The following IDE variants were observed in gnomAD, a reference collection of about 807,000 sequenced individuals.
IDE encodes the protein insulin-degrading enzyme.
A neutral mutation model predicts 133.2 loss-of-function variants in IDE; 58 were observed. The observed-to-expected ratio is 0.44, with a 90% CI of 0.35 to 0.54. The LOEUF is 0.54. IDE is among the 20% of genes least tolerant of loss of function. The pLI is 0.00. For missense variants in IDE, 981 were observed against 1,234.0 expected, an observed-to-expected ratio of 0.79 and a Z score of 3.07; for synonymous variants, 396 against 421.3, an observed-to-expected ratio of 0.94 and a Z score of 0.73.
chr10:92,516,305 C>T (rs1848925763), intron 4 of IDE, among the ~76,000 whole-genome samples: 1 of 151,894 alleles, frequency 6.6e-6, no homozygotes, highest in South Asian at 2.1e-4. Context: ...ACCAGCCTGG[C>T]CAACGTGGTG....
intron 1 of IDE, among the ~76,000 whole-genome samples, chr10:92,567,928 G>A (rs1843629028): frequency 6.6e-6 from 1 of 152,160 alleles, no homozygotes; most frequent in Admixed American, 6.5e-5. Flanking sequence ...TTTTGATCGT[G>A]CCACTGCACT....
chr10:92,467,381 T>C (rs2083730641), intron 19 of IDE, among the ~76,000 whole-genome samples: 1 of 152,208 alleles, frequency 6.6e-6, no homozygotes, highest in African/African-American at 2.4e-5. Flanking sequence ...CTGAATATTT[T>C]ACTTTTAAAT....
Position 92,483,307 on chromosome 10 carries a change from G to A in IDE, c.1687C>T (p.Gln563Ter). The A allele has an allele frequency of 6.2e-7, 1 of 1,610,756 alleles. No individual in the cohort carries two copies. The highest frequency in any genetic ancestry group is 8.5e-7 in the Non-Finnish European group (1 of 1,176,992). Residue 563 changes from glutamine to a stop codon, truncating the protein, a stop_gained, in exon 14 of 25, where the codon CAA (glutamine) becomes TAA (stop). Coordinates refer to ENST00000265986, the MANE Select transcript of IDE (RefSeq NM_004969.4). LOFTEE classifies it high-confidence loss of function. ...DTAMSKLWFK[Q>*]DDKFFLPKAC... ...TTCGGCAAAAAAAACTTATCATCTTGTTTGAACCAAAGTTTGCTCATAGCT... is the reference window on the plus strand; with the variant it reads ...TTCGGCAAAAAAAACTTATCATCTTATTTGAACCAAAGTTTGCTCATAGCT...
intron 23 of IDE, among the ~76,000 whole-genome samples, chr10:92,455,972 T>A (rs907610310): frequency 2.0e-5 from 3 of 152,194 alleles, no homozygotes; most frequent in Admixed American, 1.3e-4. Context: ...TTACTAGTTT[T>A]ACTAAACTGC....
intron 5 of IDE, 42 bp downstream of exon 5, chr10:92,514,878 C>T (rs1230937873): frequency 6.5e-7 from 1 of 1,548,970 alleles, no homozygotes; most frequent in Non-Finnish European, 8.8e-7. Flanking sequence ...ACATTAAAAA[C>T]TTATATTATC....
At chr10:92,530,925 G>T (rs7079099) in intron 4 of IDE, among the ~76,000 whole-genome samples, 15,356 of 152,108 alleles carry the variant, frequency 0.1, 900 homozygotes, top group South Asian at 0.17. Flanking sequence ...AAATAAGCAT[G>T]TTCTCATAAT....
At chr10:92,465,136 T>C (rs1193060301) in intron 20 of IDE, among the ~76,000 whole-genome samples, 1 of 152,212 alleles carries the variant, frequency 6.6e-6, no homozygotes, top group East Asian at 1.9e-4. Context: ...CAATGATGGG[T>C]ACTTGGAGAG....
At chr10:92,512,492 T>C (rs1236907463) in intron 5 of IDE, among the ~76,000 whole-genome samples, 1 of 151,968 alleles carries the variant, frequency 6.6e-6, no homozygotes. Context: ...ATTCATCTAT[T>C]GCCATTGTTA....
In IDE at chr10:92,524,446, T is replaced by TTATATATAATATATTTTATATA. The variant is rs1564647982; in HGVS notation, c.661+7301_661+7302insTATATAAAATATATTATATATA. ...ATATAATATATTTTATATAATATAT[T>TTATATATAATATATTTTATATA]TTATATATTATATATTTTATATAAT... On this transcript the variant is annotated intron_variant, in intron 4 of 24. Transcript: ENST00000265986. Among the ~76,000 whole-genome samples, 2 of 42,968 alleles carry TTATATATAATATATTTTATATA rather than the reference T, an allele frequency of 4.7e-5. 1 individual carries two copies. The highest frequency in any genetic ancestry group is 2.2e-4 in the African/African-American group (2 of 9,222). 28.2% of individuals were successfully genotyped at this position (42,968 alleles called of 152,430 possible).
chr10:92,526,791 T>G (rs1167172279), intron 4 of IDE, among the ~76,000 whole-genome samples: 2 of 138,006 alleles, frequency 1.4e-5, no homozygotes, highest in African/African-American at 2.8e-5. Flanking sequence ...GGTTACAGAG[T>G]GCCAAGATTG....
intron 5 of IDE, among the ~76,000 whole-genome samples, chr10:92,513,725 A>C (rs562765929): frequency 6.6e-6 from 1 of 151,298 alleles, no homozygotes; most frequent in Non-Finnish European, 1.5e-5. Context: ...AGAATATATT[A>C]AGAATATCTT....
At chr10:92,554,060 T>C (rs1413773151) in intron 1 of IDE, among the ~76,000 whole-genome samples, 1 of 152,214 alleles carries the variant, frequency 6.6e-6, no homozygotes, top group Non-Finnish European at 1.5e-5. Context: ...CTGATGAATA[T>C]TGATGCAAAT....
chr10:92,514,027 TC>T (rs1440430057), intron 5 of IDE, among the ~76,000 whole-genome samples: 36 of 152,310 alleles, frequency 2.4e-4, no homozygotes, highest in African/African-American at 7.7e-4. Flanking sequence ...TTAGCCAATC[TC>T]CTATTAACAT....
chr10:92,515,002 G>A lies in IDE; in HGVS notation c.702C>T (p.Gly234=). Residue 234 remains glycine (G), a synonymous_variant, in exon 5 of 25, where the codon GGC becomes GGT. Coordinates refer to ENST00000265986, the MANE Select transcript of IDE (RefSeq NM_004969.4). The part of the protein sequence containing the change: ...YTLETRPNQE[G]IDVRQELLKF... ...TCAGTAGCTCTTGTCTTACATCAAT[G>A]CCTTCTTGGTTTGGTCTAGTCTCCA... 6.2e-7 allele frequency: 1 copy of A among 1,610,594 alleles called. No homozygotes were observed. The highest frequency in any genetic ancestry group is 8.5e-7 in the Non-Finnish European group (1 of 1,177,188).
chr10:92,462,976 C>T (rs548445643), intron 21 of IDE, among the ~76,000 whole-genome samples: 79 of 152,298 alleles, frequency 5.2e-4, no homozygotes, highest in African/African-American at 1.8e-3. Context: ...GCAGGAGAAT[C>T]GCTTGAGCCT....
At chr10:92,546,318 C>T (rs930038223) in intron 1 of IDE, among the ~76,000 whole-genome samples, 2 of 152,032 alleles carry the variant, frequency 1.3e-5, no homozygotes, top group East Asian at 1.9e-4. Context: ...TATACAGGTA[C>T]GTTCAGTTTG....
chr10:92,511,717 C>G (rs1489157133), intron 5 of IDE, among the ~76,000 whole-genome samples: 1 of 151,980 alleles, frequency 6.6e-6, no homozygotes, highest in Non-Finnish European at 1.5e-5. Flanking sequence ...GTATGAAGGA[C>G]TCCAAAATGT....
intron 1 of IDE, among the ~76,000 whole-genome samples, chr10:92,555,538 T>A (rs1842966893): frequency 6.7e-6 from 1 of 149,562 alleles, no homozygotes; most frequent in Non-Finnish European, 1.5e-5. Context: ...AAGTATCCAA[T>A]GGTCAAATTA....
intron 17 of IDE, among the ~76,000 whole-genome samples, chr10:92,472,554 G>C (rs55968843): frequency 0.011 from 1,638 of 151,908 alleles, 28 homozygotes; most frequent in South Asian, 0.05. Context: ...TACTTTGCTC[G>C]ATTTGTGTCA....
Sources: allele counts gnomAD v4.1 joint callset (sites outside exome capture counted in the v4.1 genomes callset), GRCh38; gene constraint gnomAD v4.1.1; transcripts MANE v1.5; gene names NCBI Gene and HGNC (gene_info 2026-07-23, HGNC 2026-07-21).